MGST1: variants seen among roughly 807,000 people sequenced by gnomAD.
MGST1 encodes glutathione S-transferase 12.
Under a neutral mutation model 8.9 loss-of-function variants are expected in MGST1, and 5 were observed. The observed-to-expected ratio is 0.56, with a 90% CI of 0.29 to 1.19. MGST1 has a LOEUF of 1.19. Among genes scored for constraint, MGST1 ranks in the 50% most tolerant of loss-of-function variants. The pLI is 0.08. For synonymous variants in MGST1, 54 were observed against 67.8 expected, an observed-to-expected ratio of 0.80 and a Z score of 1.00; for missense variants, 182 against 187.4, an observed-to-expected ratio of 0.97 and a Z score of 0.17.
At position 16,364,085 on chromosome 12, in the gene MGST1, C is replaced by G. The variant is rs770262392; in HGVS notation, c.*44C>G. On this transcript the variant is annotated 3_prime_UTR_variant, in exon 4 of 4. Transcript: ENST00000396210. This position sits in a 1 kb window ranked among gnomAD's most constrained non-coding sequence, Gnocchi z 5.7. ...GCATCCAGTTGGCTTTTTAAGAATTCTGTACTTCCAATTTATAATGAATAC... is the reference window on the plus strand; with the variant it reads ...GCATCCAGTTGGCTTTTTAAGAATTGTGTACTTCCAATTTATAATGAATAC... 16 of 1,537,558 alleles carry G rather than the reference C, an allele frequency of 1.0e-5. No individual in the cohort carries two copies. Among genetic ancestry groups the G allele is most frequent in the African/African-American group, 1.4e-5 (1 of 72,432 alleles).
In MGST1 at chr12:16,585,990, C is replaced by G. The variant is rs917919104; in HGVS notation, n.483-3538C>G. 1.3e-5 allele frequency among the ~76,000 whole-genome samples: 2 copies of G among 152,060 alleles called. No individual in the cohort carries two copies. The highest frequency in any genetic ancestry group is 2.9e-5 in the Non-Finnish European group (2 of 68,014). The stretch of plus-strand genomic sequence containing the variant: ...TTGTGTGATACAGTAAACAAAGTCC[C>G]CAATAGCATCCTTAGGACACTGATG... On this transcript the variant is annotated intron_variant and non_coding_transcript_variant, in intron 4 of 4. Transcript: ENST00000538857. The surrounding 1 kb of genome is among the most constrained non-coding windows in gnomAD (Gnocchi z 4.7).
downstream of MGST1, among the ~76,000 whole-genome samples, chr12:16,592,087 G>T (rs1943511680): frequency 6.6e-6 from 1 of 151,944 alleles, no homozygotes; most frequent in South Asian, 2.1e-4. Context: ...CTTCACAAAA[G>T]AAAGTATGTA....
chr12:16,432,783 G>A (rs1049497882), intron 1 of MGST1, among the ~76,000 whole-genome samples: 1 of 151,490 alleles, frequency 6.6e-6, no homozygotes, highest in African/African-American at 2.4e-5. Flanking sequence ...TCAATAGGCT[G>A]TGTAGATAAA....
intron 4 of MGST1, chr12:16,573,929 A>G (rs1342100508): frequency 6.6e-6 from 1 of 152,186 alleles, no homozygotes; most frequent in African/African-American, 2.4e-5. Context: ...CCCTCACTCT[A>G]TCTACATCAA....
At chr12:16,495,397 C>T (rs1308706037) in intron 4 of MGST1, among the ~76,000 whole-genome samples, 4 of 152,010 alleles carry the variant, frequency 2.6e-5, no homozygotes, top group Non-Finnish European at 4.4e-5. Context: ...CATTCCTACT[C>T]CAAACATCAG....
intron 1 of MGST1, among the ~76,000 whole-genome samples, chr12:16,421,897 T>C (rs1940839232): frequency 1.3e-5 from 2 of 152,206 alleles, no homozygotes; most frequent in Admixed American, 1.3e-4. Context: ...AAGTGGCTGT[T>C]CTGGTTTCAT....
At chr12:16,562,530 T>C (rs769917354) in intron 4 of MGST1, among the ~76,000 whole-genome samples, 3 of 152,200 alleles carry the variant, frequency 2.0e-5, no homozygotes, top group Non-Finnish European at 4.4e-5. Flanking sequence ...TGATTAGAAT[T>C]TGTTTCCACA....
intron 1 of MGST1, among the ~76,000 whole-genome samples, chr12:16,397,800 G>A (rs1369450180): frequency 6.9e-6 from 1 of 144,366 alleles, no homozygotes; most frequent in Middle Eastern, 3.6e-3. Context: ...TGGTATTGCT[G>A]TATATATTTA....
At chr12:16,366,993 CTG>C (rs1940204213), downstream of MGST1, among the ~76,000 whole-genome samples, 1 of 152,156 alleles carries the variant, frequency 6.6e-6, no homozygotes, top group Non-Finnish European at 1.5e-5. This position sits in a 1 kb window ranked among gnomAD's most constrained non-coding sequence, Gnocchi z 4.0. Context: ...GATATTGAAT[CTG>C]TATTATACTG....
rs192951884 is a variant in MGST1, at chr12:16,393,566, A to C, written n.778+9962A>C. ...TTCATCAAACTCAAGGCCTAGAGAA[A>C]CAGCAGGTAACAGAGTTGATGGATG... On this transcript the variant is annotated intron_variant and non_coding_transcript_variant, in intron 1 of 1. Coordinates refer to the MGST1 transcript ENST00000359720. Among the ~76,000 whole-genome samples, 468 of 152,334 alleles carry C rather than the reference A, an allele frequency of 3.1e-3. 4 individuals carry two copies. Among genetic ancestry groups the C allele is most frequent in the African/African-American group, 0.011 (448 of 41,574 alleles).
chr12:16,576,719 A>T lies in MGST1; in HGVS notation n.483-12809A>T, dbSNP rs779778964. On this transcript the variant is annotated intron_variant and non_coding_transcript_variant, in intron 4 of 4. Transcript: ENST00000538857. The surrounding 1 kb of genome is among the most constrained non-coding windows in gnomAD (Gnocchi z 4.1). ...TAGAATGTAGAGATATATAAATGGAAATTAACATTCTTGCATTGTCCAACT... is the reference window on the plus strand; with the variant it reads ...TAGAATGTAGAGATATATAAATGGATATTAACATTCTTGCATTGTCCAACT... Among the ~76,000 whole-genome samples the T allele has an allele frequency of 7.2e-5, 11 of 152,208 alleles. No individual in the cohort carries two copies. The highest frequency in any genetic ancestry group is 1.2e-4 in the African/African-American group (5 of 41,448).
intron 4 of MGST1, chr12:16,550,054 T>C (rs1478647123): frequency 1.3e-5 from 2 of 151,976 alleles, no homozygotes; most frequent in East Asian, 3.9e-4. Flanking sequence ...TAATCACTAG[T>C]TCTCAGCATT....
chr12:16,429,825 G>A (rs1231669432), intron 1 of MGST1, among the ~76,000 whole-genome samples: 1 of 152,098 alleles, frequency 6.6e-6, no homozygotes, highest in Non-Finnish European at 1.5e-5. Context: ...TCAGGGTGGT[G>A]GTTGTTGAAA....
chr12:16,520,391 AAATAT>A (rs756565246), intron 4 of MGST1, among the ~76,000 whole-genome samples: 11 of 152,302 alleles, frequency 7.2e-5, no homozygotes, highest in African/African-American at 2.4e-4. Flanking sequence ...TTAGTATAAT[AAATAT>A]AATAACTGTA....
intron 1 of MGST1, among the ~76,000 whole-genome samples, chr12:16,394,291 T>C (rs914765323): frequency 1.3e-5 from 2 of 150,778 alleles, no homozygotes; most frequent in South Asian, 4.2e-4. Context: ...TTTTCTGCCA[T>C]TGGAGTTTTG....
intron 4 of MGST1, among the ~76,000 whole-genome samples, chr12:16,478,602 A>G (rs1941342387): frequency 6.6e-6 from 1 of 152,026 alleles, no homozygotes; most frequent in African/African-American, 2.4e-5. Context: ...AAACCACAAA[A>G]TTACTAGAAG....
chr12:16,567,025 T>C (rs531864808), intron 4 of MGST1, among the ~76,000 whole-genome samples: 1 of 152,060 alleles, frequency 6.6e-6, no homozygotes, highest in Non-Finnish European at 1.5e-5. Context: ...CAAAACCCCA[T>C]CTCTACTAAA....
chr12:16,444,438 T>C (rs1941063795), intron 4 of MGST1, among the ~76,000 whole-genome samples: 1 of 151,860 alleles, frequency 6.6e-6, no homozygotes, highest in East Asian at 1.9e-4. Context: ...CTTTTTCCTT[T>C]GCCAAAATGT....
chr12:16,406,955 C>A, intron 1 of MGST1, among the ~76,000 whole-genome samples: 1 of 151,974 alleles, frequency 6.6e-6, no homozygotes, highest in East Asian at 1.9e-4. Flanking sequence ...GTTATAAACA[C>A]CCTGGAAAAC....
Sources: gnomAD v4.1 joint callset for allele counts (sites outside exome capture counted in the v4.1 genomes callset) on GRCh38, gnomAD v4.1.1 for gene constraint, Gnocchi (gnomAD v3.1) non-coding constraint, MANE v1.5 for transcripts, NCBI Gene and HGNC (gene_info 2026-07-23, HGNC 2026-07-21) for gene names.